Variants in WDR7 observed in about 807,000 individuals in gnomAD.
WDR7 encodes WD repeat-containing protein 7.
Under a neutral mutation model 169.4 loss-of-function variants are expected in WDR7, and 46 were observed. That is an observed-to-expected ratio of 0.27 (90% CI 0.21 to 0.35). The LOEUF is 0.35. Among genes scored for constraint, WDR7 ranks in the 10% least tolerant of loss-of-function variants. The pLI, the probability that WDR7 is intolerant of heterozygous loss-of-function variation, is 1.00. For synonymous variants in WDR7, 612 were observed against 666.8 expected (o/e 0.92, Z 1.27); for missense variants, 1,534 against 1,859.3 (o/e 0.83, Z 3.22).
intron 26 of WDR7, among the ~76,000 whole-genome samples, chr18:56,991,433 C>CAG (rs2047817805): frequency 3.9e-5 from 6 of 152,188 alleles, no homozygotes; most frequent in Non-Finnish European, 8.8e-5. Flanking sequence ...GCATGAGCCA[C>CAG]CATGCCCGGC....
At chr18:56,808,005 G>T (rs1445480498) in intron 19 of WDR7, among the ~76,000 whole-genome samples, 1 of 152,166 alleles carries the variant, frequency 6.6e-6, no homozygotes, top group African/African-American at 2.4e-5. Flanking sequence ...GAAAGCAAAA[G>T]GTTATCTTTC....
At chr18:56,668,896 GTGT>G (rs1243859225) in intron 1 of WDR7, among the ~76,000 whole-genome samples, 1 of 35,820 alleles carries the variant, frequency 2.8e-5, no homozygotes, top group Admixed American at 4.8e-4. Context: ...AGCAAAATCT[GTGT>G]TTTTTTTTTT....
intron 11 of WDR7, 73 bp downstream of exon 11, chr18:56,695,271 T>A: frequency 6.5e-7 from 1 of 1,544,764 alleles, no homozygotes; most frequent in Non-Finnish European, 8.7e-7. Flanking sequence ...GTCTCTGTTT[T>A]TTGTTTTTAA....
intron 15 of WDR7, among the ~76,000 whole-genome samples, chr18:56,757,696 G>A (rs2043916852): frequency 6.6e-6 from 1 of 152,232 alleles, no homozygotes; most frequent in South Asian, 2.1e-4. Context: ...TTGAGGCTGG[G>A]CATGGTAGCT....
intron 1 of WDR7, among the ~76,000 whole-genome samples, chr18:56,662,997 C>T (rs879200488): frequency 6.6e-6 from 1 of 152,156 alleles, no homozygotes; most frequent in Admixed American, 6.5e-5. Context: ...GCTAGAAGTG[C>T]CCCAGATCAA....
chr18:56,663,563 T>G (rs1242321449), intron 1 of WDR7, among the ~76,000 whole-genome samples: 1 of 152,096 alleles, frequency 6.6e-6, no homozygotes, highest in African/African-American at 2.4e-5. Context: ...ACACAAAATA[T>G]GTACACATAT....
chr18:56,954,172 G>T (rs113003466), intron 25 of WDR7, among the ~76,000 whole-genome samples: 5,260 of 152,224 alleles, frequency 0.035, 312 homozygotes, highest in African/African-American at 0.12. Context: ...TAAAATCATT[G>T]ACATTAAAAT....
At chr18:56,749,208 C>T (rs2043750133) in intron 14 of WDR7, among the ~76,000 whole-genome samples, 1 of 151,790 alleles carries the variant, frequency 6.6e-6, no homozygotes, top group Non-Finnish European at 1.5e-5. Context: ...ATTTTTCCTG[C>T]CAAAATATTA....
chr18:56,736,186 G>A (rs1230566623), intron 14 of WDR7, among the ~76,000 whole-genome samples: 1 of 152,078 alleles, frequency 6.6e-6, no homozygotes, highest in East Asian at 1.9e-4. Flanking sequence ...AACTCTATGT[G>A]ATCAGACATG....
At chr18:56,978,370 T>C (rs2047596385) in intron 26 of WDR7, among the ~76,000 whole-genome samples, 1 of 151,860 alleles carries the variant, frequency 6.6e-6, no homozygotes, top group Admixed American at 6.5e-5. Context: ...CATGCATGCA[T>C]TCATTGATTT....
chr18:57,031,748 C>T (rs973781442), downstream of WDR7: 1 of 152,158 alleles, frequency 6.6e-6, no homozygotes, highest in Non-Finnish European at 1.5e-5. Flanking sequence ...CAGAGAAGGC[C>T]AGGAGTCTAG....
chr18:56,696,264 C>A lies in WDR7; in HGVS notation c.1380C>A (p.Leu460=). 1 of 1,613,812 alleles carries A rather than the reference C, an allele frequency of 6.2e-7. No individual in the cohort carries two copies. Among genetic ancestry groups the A allele is most frequent in the Non-Finnish European group, 8.5e-7 (1 of 1,179,836 alleles). The stretch of plus-strand genomic sequence containing the variant: ...CAGGTTGGCCACCTCACAGAACACT[C>A]CGTGGTCATCGGAACAAAGTCACAT... ...LRRGWPPHRT[L]RGHRNKVTCL... Residue 460 remains leucine (L), a synonymous_variant, in exon 12 of 28, where the codon CTC becomes CTA. Transcript: ENST00000254442.
At chr18:56,962,744 G>A (rs1349277773) in intron 26 of WDR7, among the ~76,000 whole-genome samples, 1 of 152,108 alleles carries the variant, frequency 6.6e-6, no homozygotes, top group East Asian at 1.9e-4. Context: ...TCATAAGAGA[G>A]CCCAGAGTAA....
At chr18:56,867,580 T>C (rs1235809824) in intron 20 of WDR7, among the ~76,000 whole-genome samples, 2 of 152,174 alleles carry the variant, frequency 1.3e-5, no homozygotes, top group African/African-American at 4.8e-5. Flanking sequence ...TGTTGTATCA[T>C]AGCAGAAACA....
At chr18:56,926,382 T>G (rs2046809026) in intron 22 of WDR7, among the ~76,000 whole-genome samples, 1 of 152,374 alleles carries the variant, frequency 6.6e-6, no homozygotes, top group Admixed American at 6.5e-5. Context: ...TTTTCGATTG[T>G]CTGAAATTTT....
rs146537675 is a variant in WDR7 at position 56,939,364 on chromosome 18, T to G, written c.4035T>G (p.Gly1345=). The change falls in exon 25 of 28, where the codon GGT becomes GGG. Residue 1345 remains glycine (G), a synonymous_variant. Coordinates refer to ENST00000254442, the MANE Select transcript of WDR7 (RefSeq NM_015285.3). The part of the protein sequence containing the change: ...CLEGSLVKKK[G]LQECFPAICR... ...AAGGATCTTTAGTTAAAAAGAAAGG[T>G]CTTCAAGAATGTTTCCCAGCCATCT... is the stretch of plus-strand genomic sequence containing the variant. The G allele has an allele frequency of 1.3e-6, 2 of 1,577,952 alleles. No individual in the cohort carries two copies. Among genetic ancestry groups the G allele is most frequent in the Non-Finnish European group, 8.6e-7 (1 of 1,160,212 alleles).
chr18:57,024,112 G>A (rs2048325457), intron 27 of WDR7, among the ~76,000 whole-genome samples: 2 of 152,044 alleles, frequency 1.3e-5, no homozygotes, highest in South Asian at 4.1e-4. Context: ...ACTGTCTTTG[G>A]GAAAAGATAT....
chr18:56,857,620 A>C (rs2045742528), intron 20 of WDR7, among the ~76,000 whole-genome samples: 1 of 152,158 alleles, frequency 6.6e-6, no homozygotes, highest in Non-Finnish European at 1.5e-5. Flanking sequence ...TTTTGCCAGC[A>C]TGTAGTCTTA....
chr18:56,698,328 A>G (rs2025748764), intron 12 of WDR7, among the ~76,000 whole-genome samples: 1 of 151,148 alleles, frequency 6.6e-6, no homozygotes, highest in South Asian at 2.1e-4. Flanking sequence ...TCAAGTGGGC[A>G]GGGCATGGTG....
Sources: gnomAD v4.1 joint callset for allele counts (sites outside exome capture counted in the v4.1 genomes callset) on GRCh38, gnomAD v4.1.1 for gene constraint, MANE v1.5 for transcripts, NCBI Gene and HGNC (gene_info 2026-07-23, HGNC 2026-07-21) for gene names.